CFAP20DC: variants seen among roughly 807,000 people sequenced by gnomAD.
CFAP20DC encodes protein CFAP20DC.
Under a neutral mutation model 101.7 loss-of-function variants are expected in CFAP20DC, and 84 were observed. That is an observed-to-expected ratio of 0.83 (90% CI 0.69 to 0.99). The LOEUF is 0.99. CFAP20DC is among the 50% of genes least tolerant of loss of function. The pLI, the probability that CFAP20DC is intolerant of heterozygous loss-of-function variation, is 0.00. For missense variants in CFAP20DC, 1,007 were observed against 970.3 expected, an observed-to-expected ratio of 1.04 and a Z score of -0.50; for synonymous variants, 359 against 351.2, an observed-to-expected ratio of 1.02 and a Z score of -0.25.
At chr3:58,954,553 G>A (rs191994276) in intron 4 of CFAP20DC, among the ~76,000 whole-genome samples, 4 of 152,228 alleles carry the variant, frequency 2.6e-5, no homozygotes, top group African/African-American at 7.2e-5. Context: ...TATGTAAAAC[G>A]TTTCGATATA....
intron 14 of CFAP20DC, among the ~76,000 whole-genome samples, chr3:58,807,511 C>G (rs1027550652): frequency 6.6e-6 from 1 of 152,230 alleles, no homozygotes; most frequent in Non-Finnish European, 1.5e-5. Context: ...AGGGTCCTGT[C>G]TGTTAGAAGG....
intron 14 of CFAP20DC, among the ~76,000 whole-genome samples, chr3:58,813,120 T>C (rs1352862628): frequency 6.6e-6 from 1 of 151,904 alleles, no homozygotes; most frequent in East Asian, 1.9e-4. Flanking sequence ...TTTCCCCAAG[T>C]GTATAACACA....
intron 15 of CFAP20DC, 118 bp from the exon 16 acceptor site, chr3:58,753,981 T>C: frequency 1.6e-6 from 1 of 642,776 alleles, no homozygotes; most frequent in African/African-American, 1.9e-5. Flanking sequence ...TCCTCCTTCA[T>C]ATTTCAGAAA....
intron 12 of CFAP20DC, among the ~76,000 whole-genome samples, chr3:58,858,038 C>T (rs1324321057): frequency 6.6e-6 from 1 of 152,086 alleles, no homozygotes; most frequent in Non-Finnish European, 1.5e-5. Flanking sequence ...CCACCTTTCT[C>T]CTTTTAGTTT....
At chr3:58,832,228 C>G (rs940850758) in intron 13 of CFAP20DC, among the ~76,000 whole-genome samples, 1 of 152,164 alleles carries the variant, frequency 6.6e-6, no homozygotes, top group African/African-American at 2.4e-5. Flanking sequence ...CCTTTCCTGA[C>G]AACCATAAAC....
intron 14 of CFAP20DC, among the ~76,000 whole-genome samples, chr3:58,812,221 C>A (rs563289840): frequency 6.6e-6 from 1 of 151,994 alleles, no homozygotes; most frequent in Admixed American, 6.6e-5. Context: ...ACCCAAAGGA[C>A]TATAAATCAT....
intron 4 of CFAP20DC, chr3:58,992,475 A>G (rs2092973805): frequency 1.4e-6 from 1 of 733,634 alleles, no homozygotes; most frequent in Non-Finnish European, 1.7e-6. Flanking sequence ...GGTCAGAAAA[A>G]CAAGAAATTA....
At chr3:58,848,071 G>A (rs1427084319) in intron 13 of CFAP20DC, among the ~76,000 whole-genome samples, 11 of 141,068 alleles carry the variant, frequency 7.8e-5, no homozygotes, top group Admixed American at 5.0e-4. Context: ...AATGCTAGAT[G>A]ACGAGTTAGT....
At chr3:58,812,448 C>T (rs543502363) in intron 14 of CFAP20DC, among the ~76,000 whole-genome samples, 83 of 151,770 alleles carry the variant, frequency 5.5e-4, no homozygotes, top group East Asian at 4.3e-3. Context: ...AGTAAACTAT[C>T]GCAAGAACAA....
At position 58,869,384 on chromosome 3, in the gene CFAP20DC, T is replaced by C. The variant is rs192473467; in HGVS notation, c.959A>G (p.Glu320Gly). The part of the protein sequence containing the change: ...EMSALLIPES[E>G]EQGNKENIHQ... The stretch of plus-strand genomic sequence containing the variant: ...AATATTTTCTTTATTTCCTTGTTCC[T>C]CAGACTCAGGTATCAGCAAGGCTGA... Residue 320 changes from glutamate (E) to glycine (G), a missense_variant, in exon 9 of 17, where the codon GAG becomes GGG. Physicochemically the swap from Glu to Gly is moderately conservative, Grantham distance 98. Coordinates refer to ENST00000482387, the MANE Select transcript of CFAP20DC (RefSeq NM_001394063.1). The surrounding 1 kb of genome is among the most constrained non-coding windows in gnomAD (Gnocchi z 4.3). 1.9e-6 allele frequency: 3 copies of C among 1,613,842 alleles called. No individual in the cohort carries two copies. Among genetic ancestry groups the C allele is most frequent in the East Asian group, 2.2e-5 (1 of 44,838 alleles).
At chr3:59,020,812 T>C (rs2093789077) in intron 4 of CFAP20DC, among the ~76,000 whole-genome samples, 1 of 152,108 alleles carries the variant, frequency 6.6e-6, no homozygotes, top group Non-Finnish European at 1.5e-5. Flanking sequence ...AGGGGCTGTT[T>C]GTTCTATCCA....
intron 4 of CFAP20DC, among the ~76,000 whole-genome samples, chr3:59,021,800 C>T (rs1444985682): frequency 1.3e-5 from 2 of 151,966 alleles, no homozygotes; most frequent in Admixed American, 6.6e-5. Context: ...AGAGTAGCTG[C>T]GGGGAAGAGA....
chr3:58,944,545 C>T (rs1402411557), intron 4 of CFAP20DC, among the ~76,000 whole-genome samples: 1 of 152,120 alleles, frequency 6.6e-6, no homozygotes. Context: ...TTCATTTGTT[C>T]ACTGTTTACC....
chr3:58,938,977 C>G (rs193151675), intron 4 of CFAP20DC, among the ~76,000 whole-genome samples: 57 of 152,098 alleles, frequency 3.7e-4, no homozygotes, highest in Non-Finnish European at 1.2e-4. Context: ...AGTATTATAC[C>G]CTGATGTATA....
Position 59,047,333 on chromosome 3 carries a change from C to T in CFAP20DC, c.22-79G>A, listed in dbSNP as rs973423851. ...CACCACATAGTCTATAACCAGTGTT[C>T]CCGGCATCTGTCAGTTAAGCTGATC... On this transcript the variant is annotated intron_variant, in intron 1 of 16. Coordinates refer to ENST00000482387, the MANE Select transcript of CFAP20DC (RefSeq NM_001394063.1). 1.6e-5 allele frequency: 15 copies of T among 931,154 alleles called. No homozygotes were observed. The African/African-American group carries it at 2.3e-4, about 14-fold the overall frequency. The allele number at this position is 931,154 out of a possible 1,614,324, so 57.7% of individuals were successfully genotyped here. A position where few individuals can be genotyped will look rare whatever the true frequency, so the allele number is the denominator to read the frequency against.
intron 4 of CFAP20DC, among the ~76,000 whole-genome samples, chr3:58,948,587 T>G (rs993088055): frequency 1.5e-4 from 23 of 152,190 alleles, no homozygotes; most frequent in Admixed American, 8.5e-4. Flanking sequence ...TAATTGAGTT[T>G]AAAAGGGTTA....
intron 4 of CFAP20DC, among the ~76,000 whole-genome samples, chr3:59,000,278 A>T (rs575836006): frequency 6.6e-6 from 1 of 152,296 alleles, no homozygotes; most frequent in East Asian, 1.9e-4. Flanking sequence ...AATACCCTCC[A>T]TCTGCATGAG....
chr3:59,037,285 T>C (rs1173383408), intron 4 of CFAP20DC, among the ~76,000 whole-genome samples: 3 of 151,736 alleles, frequency 2.0e-5, no homozygotes, highest in East Asian at 1.9e-4. Context: ...ACAAATGGGA[T>C]CTAATTAAAC....
In CFAP20DC at chr3:58,992,651, T is replaced by C. The variant is rs986724035; in HGVS notation, c.278+46906A>G. The C allele has an allele frequency of 8.8e-6, 6 of 684,284 alleles. No homozygotes were observed. The African/African-American group carries it at 1.2e-4, about 13-fold the overall frequency. 42.4% of individuals were successfully genotyped at this position (684,284 alleles called of 1,614,324 possible). ...CAGACAATAAATACAAAAATAATTT[T>C]GAAATTTGTTCAAATTTACATTTAT... On this transcript the variant is annotated intron_variant, in intron 4 of 16. Coordinates refer to ENST00000482387, the MANE Select transcript of CFAP20DC (RefSeq NM_001394063.1).
Sources: allele counts gnomAD v4.1 joint callset (sites outside exome capture counted in the v4.1 genomes callset), GRCh38; gene constraint gnomAD v4.1.1; non-coding constraint Gnocchi (gnomAD v3.1); transcripts MANE v1.5; gene names NCBI Gene and HGNC (gene_info 2026-07-23, HGNC 2026-07-21).